Variants in WDR64 observed in about 807,000 individuals in gnomAD.
WDR64 encodes the protein WD repeat domain 64.
A neutral mutation model predicts 139.3 loss-of-function variants in WDR64; 112 were observed. The observed-to-expected ratio is 0.80, with a 90% CI of 0.69 to 0.94. The LOEUF (loss-of-function observed/expected upper bound fraction) is 0.94. Among genes scored for constraint, WDR64 ranks in the 40% least tolerant of loss-of-function variants. The probability of loss-of-function intolerance (pLI) is 0.00; values close to 1 mark genes in which losing one functional copy is unlikely to be tolerated. For missense variants in WDR64, 1,206 were observed against 1,293.1 expected, an observed-to-expected ratio of 0.93 and a Z score of 1.03; for synonymous variants, 444 against 437.7, an observed-to-expected ratio of 1.01 and a Z score of -0.18.
chr1:241,753,278 A>T (rs1043905923), intron 14 of WDR64, among the ~76,000 whole-genome samples: 1 of 152,240 alleles, frequency 6.6e-6, no homozygotes, highest in African/African-American at 2.4e-5. Context: ...ACTTTTCCAT[A>T]GCTGCTTTTC....
chr1:241,789,096 A>T (rs1217875955), intron 24 of WDR64, among the ~76,000 whole-genome samples: 1 of 152,092 alleles, frequency 6.6e-6, no homozygotes, highest in Non-Finnish European at 1.5e-5. Context: ...CACTCAAAAG[A>T]TATTTATGGA....
At chr1:241,730,131 C>T (rs1390805461) in intron 10 of WDR64, among the ~76,000 whole-genome samples, 2 of 152,162 alleles carry the variant, frequency 1.3e-5, no homozygotes, top group African/African-American at 4.8e-5. Context: ...GGGGTGAGGG[C>T]ACATGCTTTG....
At chr1:241,675,870 C>T (rs925043656) in intron 4 of WDR64, among the ~76,000 whole-genome samples, 1 of 152,134 alleles carries the variant, frequency 6.6e-6, no homozygotes, top group African/African-American at 2.4e-5. Flanking sequence ...AATGTCATTT[C>T]TAAATTTGTA....
At chr1:241,788,325 A>C (rs1659114521) in intron 24 of WDR64, among the ~76,000 whole-genome samples, 1 of 152,222 alleles carries the variant, frequency 6.6e-6, no homozygotes, top group African/African-American at 2.4e-5. Context: ...GGCATAGGGG[A>C]GGAAGGATAG....
At chr1:241,707,735 C>T (rs1668006402) in intron 8 of WDR64, among the ~76,000 whole-genome samples, 1 of 152,164 alleles carries the variant, frequency 6.6e-6, no homozygotes. Flanking sequence ...GCACAGTTGC[C>T]CTGCATGACC....
intron 4 of WDR64, chr1:241,677,304 G>A (rs1324974181): frequency 1.3e-5 from 5 of 398,388 alleles, no homozygotes; most frequent in African/African-American, 4.1e-5. Flanking sequence ...GCTACTCACC[G>A]GTTTTCTTAC....
In WDR64 at chr1:241,781,922, T is replaced by C. The variant is rs145279055; in HGVS notation, c.2596-1350T>C. Among the ~76,000 whole-genome samples, 734 of 152,274 alleles carry C rather than the reference T, an allele frequency of 4.8e-3. 8 individuals carry two copies. The highest frequency in any genetic ancestry group is 0.017 in the African/African-American group (699 of 41,556). ...TATATCTTACTATAAATACAGTCAG[T>C]GTTAGAGAATGCCATCCTAAGGCAG... On this transcript the variant is annotated intron_variant, in intron 22 of 27. Transcript: ENST00000437684.
chr1:241,653,883 G>A (rs1187322465), intron 1 of WDR64, among the ~76,000 whole-genome samples: 1 of 152,130 alleles, frequency 6.6e-6, no homozygotes, highest in Non-Finnish European at 1.5e-5. Context: ...CTAAGACTTG[G>A]ACCTTTTGGA....
Position 241,769,440 on chromosome 1 carries a change from C to A in WDR64, c.2118C>A (p.Asp706Glu). The A allele has an allele frequency of 6.4e-7, 1 of 1,551,476 alleles. No individual in the cohort carries two copies. Among genetic ancestry groups the A allele is most frequent in the South Asian group, 1.2e-5 (1 of 84,052 alleles). The change falls in exon 17 of 28, where the codon GAC (aspartate) becomes GAA (glutamate). Residue 706 changes from aspartate to glutamate, a missense_variant. Coordinates refer to ENST00000437684, the MANE Select transcript of WDR64 (RefSeq NM_001367482.1). Reference sequence around the variant, plus strand: ...AAGATTGCTTCACTGTAAACCCTGACTTGCATCCCAAGCACTTTAAAATTA... The same window carrying A: ...AAGATTGCTTCACTGTAAACCCTGAATTGCATCCCAAGCACTTTAAAATTA... ...RPEDCFTVNP[D>E]LHPKHFKIND...
intron 10 of WDR64, among the ~76,000 whole-genome samples, chr1:241,730,707 A>AC (rs953290240): frequency 1.3e-5 from 2 of 152,050 alleles, no homozygotes; most frequent in Non-Finnish European, 2.9e-5. Context: ...CCAATATATG[A>AC]CCCCCTGCTA....
intron 1 of WDR64, among the ~76,000 whole-genome samples, chr1:241,653,543 C>CTTTTTTTTTTTTTTTTT (rs33934176): frequency 7.3e-6 from 1 of 137,120 alleles, no homozygotes; most frequent in Admixed American, 7.4e-5. Flanking sequence ...CTTTTCTTTT[C>CTTTTTTTTTTTTTTTTT]TTTTTTTTTT....
chr1:241,759,975 C>T (rs1670360819), intron 15 of WDR64, among the ~76,000 whole-genome samples: 1 of 152,194 alleles, frequency 6.6e-6, no homozygotes, highest in African/African-American at 2.4e-5. Flanking sequence ...TATGGTATTT[C>T]TCTTTTGTGA....
At chr1:241,755,870 G>T (rs564524185) in intron 14 of WDR64, among the ~76,000 whole-genome samples, 2 of 152,292 alleles carry the variant, frequency 1.3e-5, no homozygotes, top group African/African-American at 4.8e-5. Context: ...TCAGATGGTT[G>T]TAGATGTGTG....
At chr1:241,772,451 CTTTTTTTTTTTTTTTTTT>C (rs534177884) in intron 19 of WDR64, among the ~76,000 whole-genome samples, 1 of 59,020 alleles carries the variant, frequency 1.7e-5, no homozygotes, top group Non-Finnish European at 3.0e-5. Context: ...AAGATAGATC[CTTTTTTTTTTTTTTTTTT>C]TTTTTTTTTT....
chr1:241,701,273 T>C (rs9428889), intron 8 of WDR64, among the ~76,000 whole-genome samples: 150,414 of 151,842 alleles, frequency 0.99, 74,493 homozygotes, highest in East Asian at 1. Flanking sequence ...TGCGTGCACA[T>C]GCGCGCACAC....
intron 9 of WDR64, among the ~76,000 whole-genome samples, chr1:241,716,284 C>G (rs1336020657): frequency 2.4e-5 from 1 of 40,994 alleles, no homozygotes; most frequent in Non-Finnish European, 5.5e-5. Context: ...CAAGCTTTTG[C>G]AGGAAAAAAA....
At chr1:241,753,195 T>C (rs1348320110) in intron 14 of WDR64, among the ~76,000 whole-genome samples, 1 of 152,180 alleles carries the variant, frequency 6.6e-6, no homozygotes, top group Non-Finnish European at 1.5e-5. Context: ...AGAAGGTATG[T>C]ACCTTGCCCG....
chr1:241,713,369 G>T (rs143957230), intron 9 of WDR64, among the ~76,000 whole-genome samples: 263 of 120,796 alleles, frequency 2.2e-3, no homozygotes, highest in South Asian at 4.4e-3. Context: ...CAGAGGGAGG[G>T]AGGAAGGGAA....
chr1:241,735,792 G>A (rs1669284848), intron 10 of WDR64, among the ~76,000 whole-genome samples: 1 of 145,178 alleles, frequency 6.9e-6, no homozygotes, highest in Non-Finnish European at 1.5e-5. Flanking sequence ...GCCTCGGTGA[G>A]CCACTGCTCC....
Sources: allele counts gnomAD v4.1 joint callset (sites outside exome capture counted in the v4.1 genomes callset), GRCh38; gene constraint gnomAD v4.1.1; transcripts MANE v1.5; gene names NCBI Gene and HGNC (gene_info 2026-07-23, HGNC 2026-07-21).